MACROD2: variants seen among roughly 807,000 people sequenced by gnomAD.
MACROD2 encodes ADP-ribose glycohydrolase MACROD2.
A neutral mutation model predicts 70.4 loss-of-function variants in MACROD2; 36 were observed. The ratio of observed to expected loss-of-function variants is 0.51; its 90% CI spans 0.39 to 0.68. The LOEUF is 0.68. Ranked by LOEUF, MACROD2 falls within the 30% of genes least tolerant of loss-of-function variation. The pLI, the probability that MACROD2 is intolerant of heterozygous loss-of-function variation, is 0.00. For missense variants in MACROD2, 496 were observed against 538.4 expected, an observed-to-expected ratio of 0.92 and a Z score of 0.78; for synonymous variants, 172 against 178.8, an observed-to-expected ratio of 0.96 and a Z score of 0.30.
At chr20:15,489,031 G>A (rs977348386) in intron 7 of MACROD2, among the ~76,000 whole-genome samples, 7 of 152,316 alleles carry the variant, frequency 4.6e-5, no homozygotes, top group East Asian at 1.9e-4. Context: ...TGCATAGATT[G>A]TAACCTTGTG....
chr20:14,122,432 T>G (rs1396722269), intron 3 of MACROD2, among the ~76,000 whole-genome samples: 2 of 152,220 alleles, frequency 1.3e-5, no homozygotes, highest in East Asian at 3.8e-4. Flanking sequence ...ATATTTATTC[T>G]GAAACATTAT....
chr20:14,703,872 G>A (rs574644765), intron 5 of MACROD2, among the ~76,000 whole-genome samples: 12 of 151,908 alleles, frequency 7.9e-5, no homozygotes. Context: ...GACTACTGGC[G>A]CACACTACCA....
chr20:14,795,708 G>T (rs565645537), intron 5 of MACROD2, among the ~76,000 whole-genome samples: 2 of 151,958 alleles, frequency 1.3e-5, no homozygotes. Flanking sequence ...TTTTGTTTTC[G>T]TTTTTTTAAA....
intron 7 of MACROD2, among the ~76,000 whole-genome samples, chr20:15,444,311 G>A (rs187918544): frequency 1.2e-4 from 19 of 152,242 alleles, no homozygotes; most frequent in Admixed American, 6.5e-4. Flanking sequence ...CAGGATATGT[G>A]CACTGTTTCT....
At chr20:14,237,986 A>G (rs1039285449) in intron 3 of MACROD2, among the ~76,000 whole-genome samples, 12 of 151,994 alleles carry the variant, frequency 7.9e-5, no homozygotes, top group Non-Finnish European at 7.4e-5. Context: ...GCTATTGTGA[A>G]TAGTGCCACA....
At chr20:15,023,966 G>A (rs1384177717) in intron 5 of MACROD2, among the ~76,000 whole-genome samples, 1 of 152,034 alleles carries the variant, frequency 6.6e-6, no homozygotes, top group Non-Finnish European at 1.5e-5. Flanking sequence ...CCTCCTGTGA[G>A]GATTAACTGA....
intron 5 of MACROD2, among the ~76,000 whole-genome samples, chr20:14,882,961 A>C (rs1366924347): frequency 2.6e-5 from 4 of 152,290 alleles, no homozygotes; most frequent in Non-Finnish European, 5.9e-5. Flanking sequence ...AAAAGTGGTG[A>C]GAATGGCCAC....
intron 8 of MACROD2, among the ~76,000 whole-genome samples, chr20:15,579,529 C>T (rs1046029985): frequency 2.0e-5 from 3 of 152,196 alleles, no homozygotes; most frequent in African/African-American, 7.2e-5. Flanking sequence ...CTGTTTGGTA[C>T]AGCTTTAACT....
At chr20:15,267,687 G>A (rs1201224424) in intron 6 of MACROD2, among the ~76,000 whole-genome samples, 1 of 152,086 alleles carries the variant, frequency 6.6e-6, no homozygotes, top group Admixed American at 6.5e-5. Flanking sequence ...TTGAAAACTA[G>A]GTAGAAAACT....
At chr20:14,332,158 A>G (rs975101803) in intron 3 of MACROD2, among the ~76,000 whole-genome samples, 15 of 152,128 alleles carry the variant, frequency 9.9e-5, no homozygotes, top group Non-Finnish European at 4.4e-5. Context: ...TTTAATAGGG[A>G]TCCTTATATT....
intron 6 of MACROD2, among the ~76,000 whole-genome samples, chr20:15,301,591 CT>C (rs71340214): frequency 0.1 from 8,231 of 80,548 alleles, 145 homozygotes; most frequent in Middle Eastern, 0.24. Context: ...GGTAGGTGGC[CT>C]TTTTTTTTTT....
rs185753360 is a variant in MACROD2 at position 14,066,107 on chromosome 20, C to A, written c.164-19514C>A. On this transcript the variant is annotated intron_variant, in intron 2 of 17. Coordinates refer to ENST00000684519, the MANE Select transcript of MACROD2 (RefSeq NM_001351661.2). Reference sequence around the variant, plus strand: ...TGTTGTGTTTAGATTTAGGTATCTACTGCAGATTAAATTACATCTTTTGAA... The same window carrying A: ...TGTTGTGTTTAGATTTAGGTATCTAATGCAGATTAAATTACATCTTTTGAA... Among the ~76,000 whole-genome samples, 254 of 152,160 alleles carry A rather than the reference C, an allele frequency of 1.7e-3. 1 individual carries two copies. Among genetic ancestry groups the A allele is most frequent in the Admixed American group, 3.0e-3 (46 of 15,286 alleles).
intron 5 of MACROD2, among the ~76,000 whole-genome samples, chr20:15,222,706 G>T (rs2076872320): frequency 6.6e-6 from 1 of 152,188 alleles, no homozygotes; most frequent in Non-Finnish European, 1.5e-5. Context: ...TCTACACTTG[G>T]TCTGACTGTT....
chr20:14,430,169 G>A (rs984446917), intron 3 of MACROD2, among the ~76,000 whole-genome samples: 6 of 152,128 alleles, frequency 3.9e-5, no homozygotes, highest in African/African-American at 1.4e-4. Flanking sequence ...TATGGTTCCA[G>A]GGCAATAAAA....
At chr20:14,408,360 A>C (rs1010620727) in intron 3 of MACROD2, among the ~76,000 whole-genome samples, 2 of 152,122 alleles carry the variant, frequency 1.3e-5, no homozygotes, top group African/African-American at 4.8e-5. Flanking sequence ...AACTTTGCAT[A>C]ACACTCGCTA....
intron 7 of MACROD2, among the ~76,000 whole-genome samples, chr20:15,481,883 G>A (rs747505443): frequency 2.0e-5 from 3 of 152,148 alleles, no homozygotes; most frequent in African/African-American, 7.2e-5. Context: ...AATATTAGTG[G>A]CCACCAAACC....
intron 4 of MACROD2, among the ~76,000 whole-genome samples, chr20:14,543,351 C>T (rs2085455720): frequency 6.6e-6 from 1 of 152,192 alleles, no homozygotes; most frequent in Admixed American, 6.5e-5. Context: ...TATTTTCACA[C>T]AACCACTCTA....
At chr20:15,803,195 A>G (rs1432253379) in intron 8 of MACROD2, among the ~76,000 whole-genome samples, 1 of 152,092 alleles carries the variant, frequency 6.6e-6, no homozygotes, top group African/African-American at 2.4e-5. Context: ...AAACCAGGCA[A>G]GGACACAATA....
At chr20:14,881,061 G>A (rs933007011) in intron 5 of MACROD2, among the ~76,000 whole-genome samples, 2 of 152,094 alleles carry the variant, frequency 1.3e-5, no homozygotes, top group Non-Finnish European at 2.9e-5. Context: ...GGCCTACATG[G>A]CCTACCCTGA....
Sources: allele counts gnomAD v4.1 joint callset (sites outside exome capture counted in the v4.1 genomes callset), GRCh38; gene constraint gnomAD v4.1.1; transcripts MANE v1.5; gene names NCBI Gene and HGNC (gene_info 2026-07-23, HGNC 2026-07-21).